Variants in SND1 observed in about 807,000 individuals in gnomAD.
SND1 encodes the protein staphylococcal nuclease domain-containing protein 1.
Under a neutral mutation model 121.7 loss-of-function variants are expected in SND1, and 38 were observed. That is an observed-to-expected ratio of 0.31 (90% CI 0.24 to 0.41). The LOEUF is 0.41. Among genes scored for constraint, SND1 ranks in the 10% least tolerant of loss-of-function variants. The probability of loss-of-function intolerance (pLI) is 1.00; values close to 1 mark genes in which losing one functional copy is unlikely to be tolerated. For synonymous variants in SND1, 401 were observed against 447.4 expected (o/e 0.90, Z 1.31); for missense variants, 868 against 1,184.6 (o/e 0.73, Z 3.92).
intron 9 of SND1, among the ~76,000 whole-genome samples, chr7:127,713,024 A>G (rs2116367895): frequency 6.6e-6 from 1 of 152,388 alleles, no homozygotes; most frequent in Middle Eastern, 3.4e-3. Flanking sequence ...AATGTTAACC[A>G]GTATATACCA....
At chr7:127,810,716 A>C (rs1265395820) in intron 11 of SND1, among the ~76,000 whole-genome samples, 4 of 152,314 alleles carry the variant, frequency 2.6e-5, no homozygotes, top group Non-Finnish European at 5.9e-5. Context: ...TGCTTTCAGG[A>C]GAATAAGGTA....
intron 12 of SND1, among the ~76,000 whole-genome samples, chr7:127,849,292 A>G (rs527506609): frequency 6.6e-6 from 1 of 152,306 alleles, no homozygotes; most frequent in South Asian, 2.1e-4. Flanking sequence ...AGCCTTCTTG[A>G]AGAGTGAGAT....
At chr7:127,794,572 G>A (rs1797977822) in intron 10 of SND1, among the ~76,000 whole-genome samples, 1 of 152,120 alleles carries the variant, frequency 6.6e-6, no homozygotes, top group East Asian at 1.9e-4. Flanking sequence ...CCTCTGAATG[G>A]GCTCACCCGC....
At chr7:127,780,263 C>A (rs1797696411) in intron 10 of SND1, among the ~76,000 whole-genome samples, 1 of 152,196 alleles carries the variant, frequency 6.6e-6, no homozygotes, top group Non-Finnish European at 1.5e-5. Context: ...TCACATCACA[C>A]TGACTAAAGT....
At chr7:127,842,668 G>A (rs1798986083) in intron 11 of SND1, among the ~76,000 whole-genome samples, 1 of 151,992 alleles carries the variant, frequency 6.6e-6, no homozygotes, top group African/African-American at 2.4e-5. Flanking sequence ...GTTCTTCTAT[G>A]TATTTATTTA....
chr7:127,694,780 A>G (rs1795979252), intron 2 of SND1, 48 bp from the exon 3 acceptor site: 2 of 1,604,100 alleles, frequency 1.2e-6, no homozygotes, highest in Non-Finnish European at 1.7e-6. Context: ...GCTGATTGGC[A>G]TCTGAAACTA....
At chr7:127,930,314 G>A (rs942306146) in intron 15 of SND1, among the ~76,000 whole-genome samples, 1 of 152,226 alleles carries the variant, frequency 6.6e-6, no homozygotes, top group Non-Finnish European at 1.5e-5. Context: ...AGAAACGGGA[G>A]TCATGCTTGC....
chr7:127,946,352 G>A (rs1200948231), intron 15 of SND1, among the ~76,000 whole-genome samples: 3 of 152,198 alleles, frequency 2.0e-5, no homozygotes, highest in Admixed American at 2.0e-4. Context: ...AAAGTCCTAA[G>A]CCAGTTATTA....
At chr7:127,890,937 G>A (rs1023173450) in intron 13 of SND1, among the ~76,000 whole-genome samples, 3 of 152,062 alleles carry the variant, frequency 2.0e-5, no homozygotes, top group African/African-American at 7.2e-5. Context: ...TTGAGTAAAC[G>A]GAGAGAATTA....
intron 1 of SND1, among the ~76,000 whole-genome samples, chr7:127,678,867 T>C (rs957361206): frequency 6.6e-6 from 1 of 152,208 alleles, no homozygotes; most frequent in African/African-American, 2.4e-5. Context: ...TTAAAGGGTA[T>C]CCATTAGGAC....
intron 15 of SND1, among the ~76,000 whole-genome samples, chr7:127,934,295 T>C (rs1801010641): frequency 6.6e-6 from 1 of 152,128 alleles, no homozygotes; most frequent in Non-Finnish European, 1.5e-5. Context: ...TGGTGGAGTA[T>C]AAAGAGTGAG....
At chr7:127,972,116 C>T (rs1032078680) in intron 15 of SND1, among the ~76,000 whole-genome samples, 1 of 152,198 alleles carries the variant, frequency 6.6e-6, no homozygotes, top group Non-Finnish European at 1.5e-5. Flanking sequence ...TTCAAGTAAA[C>T]ACCATACATG....
At chr7:127,697,033 GTTTAT>G (rs1019520181) in intron 3 of SND1, among the ~76,000 whole-genome samples, 1 of 152,140 alleles carries the variant, frequency 6.6e-6, no homozygotes, top group African/African-American at 2.4e-5. Context: ...TAGCATTTGT[GTTTAT>G]TTTATTGCTA....
At chr7:127,687,018 C>A in intron 2 of SND1, 1 of 365,366 alleles carries the variant, frequency 2.7e-6, no homozygotes. Flanking sequence ...GTTTTCACTA[C>A]TACTTTTCTT....
chr7:127,922,189 T>TTGTTTTTGTTTTTTTTTTTG (rs1563058961), intron 14 of SND1, among the ~76,000 whole-genome samples: 6 of 95,460 alleles, frequency 6.3e-5, no homozygotes, highest in African/African-American at 2.3e-4. Flanking sequence ...TTTTTTTTTT[T>TTGTTTTTGTTTTTTTTTTTG]TTTTTTTTTT....
intron 12 of SND1, chr7:127,858,287 G>A (rs766774934): frequency 1.7e-5 from 15 of 872,844 alleles, no homozygotes; most frequent in South Asian, 4.4e-5. Flanking sequence ...CGGGCACTGC[G>A]GGGAACTGGG....
At chr7:127,679,424 T>C (rs1361173812) in intron 1 of SND1, among the ~76,000 whole-genome samples, 1 of 152,242 alleles carries the variant, frequency 6.6e-6, no homozygotes, top group Non-Finnish European at 1.5e-5. Context: ...TACTTCTGTG[T>C]TGGACCTTAA....
intron 16 of SND1, among the ~76,000 whole-genome samples, chr7:128,068,006 C>T (rs1435265507): frequency 6.6e-6 from 1 of 152,136 alleles, no homozygotes; most frequent in Non-Finnish European, 1.5e-5. Context: ...TGCACCTTCT[C>T]CCGCCTCACC....
At chr7:127,818,708 A>G (rs1446497069) in intron 11 of SND1, among the ~76,000 whole-genome samples, 1 of 152,174 alleles carries the variant, frequency 6.6e-6, no homozygotes, top group Non-Finnish European at 1.5e-5. Context: ...GTAGAATTTG[A>G]TGCACAGGGT....
Sources: gnomAD v4.1 joint callset for allele counts (sites outside exome capture counted in the v4.1 genomes callset) on GRCh38, gnomAD v4.1.1 for gene constraint, MANE v1.5 for transcripts, NCBI Gene and HGNC (gene_info 2026-07-23, HGNC 2026-07-21) for gene names.